WDR7: variants seen among roughly 807,000 people sequenced by gnomAD.
WDR7 encodes WD repeat-containing protein 7.
WDR7 carries 46 observed loss-of-function variants against 169.4 expected under a neutral mutation model. The observed-to-expected ratio is 0.27, with a 90% CI of 0.21 to 0.35. WDR7 has a LOEUF of 0.35. WDR7 is among the 10% of genes least tolerant of loss of function. The pLI is 1.00. For synonymous variants in WDR7, 612 were observed against 666.8 expected (o/e 0.92, Z 1.27); for missense variants, 1,534 against 1,859.3 (o/e 0.83, Z 3.22).
intron 12 of WDR7, among the ~76,000 whole-genome samples, chr18:56,716,304 G>GT (rs1340327654): frequency 1.3e-5 from 2 of 151,922 alleles, no homozygotes; most frequent in African/African-American, 4.8e-5. Context: ...TTTAATGAAG[G>GT]TTTGTAATAC....
intron 21 of WDR7, among the ~76,000 whole-genome samples, chr18:56,889,657 A>G (rs886547975): frequency 2.6e-5 from 4 of 152,184 alleles, no homozygotes; most frequent in African/African-American, 9.7e-5. Context: ...GGACTGAAAC[A>G]CCTGTGTTCT....
At chr18:56,754,346 T>TGTATATATGTGTGTGTATATATACAC (rs1269497471) in intron 14 of WDR7, among the ~76,000 whole-genome samples, 1 of 151,426 alleles carries the variant, frequency 6.6e-6, no homozygotes, top group African/African-American at 2.4e-5. Flanking sequence ...TATATATGTG[T>TGTATATATGTGTGTGTATATATACAC]GTATATATGT....
intron 26 of WDR7, among the ~76,000 whole-genome samples, chr18:56,986,445 C>T: frequency 6.6e-6 from 1 of 152,046 alleles, no homozygotes; most frequent in Admixed American, 6.5e-5. Flanking sequence ...TTTTATCATA[C>T]TTTGATAGGT....
chr18:57,006,851 G>T (rs17751274), intron 26 of WDR7, among the ~76,000 whole-genome samples: 41,567 of 151,878 alleles, frequency 0.27, 6,393 homozygotes, highest in Non-Finnish European at 0.35. Flanking sequence ...TAATTTTTTT[G>T]TGTGTTCGAG....
intron 22 of WDR7, among the ~76,000 whole-genome samples, chr18:56,933,720 A>G (rs2046921789): frequency 6.6e-6 from 1 of 152,238 alleles, no homozygotes; most frequent in Non-Finnish European, 1.5e-5. Flanking sequence ...CCTGAAAGAC[A>G]TCCACAACTA....
At chr18:56,726,637 C>T (rs545654744) in intron 13 of WDR7, among the ~76,000 whole-genome samples, 1 of 152,110 alleles carries the variant, frequency 6.6e-6, no homozygotes, top group Non-Finnish European at 1.5e-5. Context: ...AATTGAATAC[C>T]CTTTATTTCT....
intron 26 of WDR7, among the ~76,000 whole-genome samples, chr18:56,972,659 A>T (rs1426410312): frequency 6.6e-6 from 1 of 152,200 alleles, no homozygotes; most frequent in Non-Finnish European, 1.5e-5. Context: ...TACTAGTTTT[A>T]AAAGTGAAAT....
chr18:56,964,455 T>C (rs1173572800), intron 26 of WDR7, among the ~76,000 whole-genome samples: 3 of 152,126 alleles, frequency 2.0e-5, no homozygotes, highest in African/African-American at 7.2e-5. Flanking sequence ...CACTGCAACC[T>C]CTTCCTTGAG....
At chr18:56,958,942 A>C (rs2047295743) in intron 25 of WDR7, among the ~76,000 whole-genome samples, 1 of 152,178 alleles carries the variant, frequency 6.6e-6, no homozygotes, top group Non-Finnish European at 1.5e-5. Flanking sequence ...CAAAACACAA[A>C]GTCCCAGATG....
intron 26 of WDR7, among the ~76,000 whole-genome samples, chr18:57,007,621 A>G (rs1318064555): frequency 1.3e-5 from 2 of 152,170 alleles, no homozygotes; most frequent in Non-Finnish European, 2.9e-5. Flanking sequence ...CAATTTTGTT[A>G]TTAACTACAT....
intron 23 of WDR7, among the ~76,000 whole-genome samples, chr18:56,937,407 A>G (rs1261825330): frequency 6.9e-6 from 1 of 144,258 alleles, no homozygotes; most frequent in Non-Finnish European, 1.5e-5. Flanking sequence ...AAAATAAATG[A>G]AACAACACAC....
chr18:56,970,691 A>G (rs1303200482), intron 26 of WDR7, among the ~76,000 whole-genome samples: 4 of 152,202 alleles, frequency 2.6e-5, no homozygotes, highest in African/African-American at 9.7e-5. Flanking sequence ...CCAGGAGTAC[A>G]TTAGGGTTCA....
chr18:57,022,532 A>G (rs1386834029), intron 27 of WDR7, among the ~76,000 whole-genome samples: 1 of 152,234 alleles, frequency 6.6e-6, no homozygotes, highest in Non-Finnish European at 1.5e-5. Context: ...TGCTAAGAAA[A>G]CATAATTTCT....
intron 14 of WDR7, among the ~76,000 whole-genome samples, chr18:56,736,863 G>A (rs551064548): frequency 6.6e-6 from 1 of 152,252 alleles, no homozygotes; most frequent in South Asian, 2.1e-4. Flanking sequence ...GGAGATCACT[G>A]AGCATTTATG....
intron 26 of WDR7, among the ~76,000 whole-genome samples, chr18:56,999,763 G>A (rs2848968): frequency 0.61 from 93,393 of 152,028 alleles, 29,254 homozygotes; most frequent in Middle Eastern, 0.72. Flanking sequence ...CAAGGAGACA[G>A]GAGGAAGGAT....
At chr18:56,989,166 A>G (rs1445401925) in intron 26 of WDR7, among the ~76,000 whole-genome samples, 2 of 152,024 alleles carry the variant, frequency 1.3e-5, no homozygotes, top group East Asian at 1.9e-4. Flanking sequence ...CTAAAGCAAC[A>G]TTATTCATTA....
intron 26 of WDR7, among the ~76,000 whole-genome samples, chr18:57,017,929 C>T (rs769158238): frequency 5.3e-5 from 8 of 152,046 alleles, no homozygotes; most frequent in Non-Finnish European, 8.8e-5. Context: ...CAGAGGAAGA[C>T]AAAAAATGGA....
At chr18:56,951,924 A>T (rs964192445) in intron 25 of WDR7, among the ~76,000 whole-genome samples, 4 of 152,220 alleles carry the variant, frequency 2.6e-5, no homozygotes, top group Non-Finnish European at 5.9e-5. Context: ...TTAAACTGAG[A>T]AATTTTAAAA....
At chr18:56,775,828 A>G (rs2044233557) in intron 16 of WDR7, among the ~76,000 whole-genome samples, 1 of 152,200 alleles carries the variant, frequency 6.6e-6, no homozygotes, top group Non-Finnish European at 1.5e-5. Flanking sequence ...CTGCATGAAA[A>G]GCAAACATAT....
Sources: allele counts gnomAD v4.1 joint callset (sites outside exome capture counted in the v4.1 genomes callset), GRCh38; gene constraint gnomAD v4.1.1; transcripts MANE v1.5; gene names NCBI Gene and HGNC (gene_info 2026-07-23, HGNC 2026-07-21).